Variants in SLC17A1 observed in about 807,000 individuals in gnomAD.
The protein encoded by SLC17A1 is solute carrier family 17 member 1.
SLC17A1 carries 51 observed loss-of-function variants against 53.5 expected under a neutral mutation model. The observed-to-expected ratio is 0.95, with a 90% CI of 0.76 to 1.20. The LOEUF (loss-of-function observed/expected upper bound fraction) is 1.20, where lower values mean the gene tolerates loss of function less well. Among genes scored for constraint, SLC17A1 ranks in the 50% most tolerant of loss-of-function variants. The probability of loss-of-function intolerance (pLI) is 0.00; values close to 1 mark genes in which losing one functional copy is unlikely to be tolerated. For missense variants in SLC17A1, 538 were observed against 568.2 expected (o/e 0.95, Z 0.54); for synonymous variants, 179 against 198.8 (o/e 0.90, Z 0.84).
At chr6:25,738,552 T>C in the SLC17A1 span, among the ~76,000 whole-genome samples, 1 of 151,630 alleles carries the variant, frequency 6.6e-6, no homozygotes, top group Non-Finnish European at 1.5e-5. Flanking sequence ...AAAAAAAAAG[T>C]AAAAGCTTTT....
chr6:25,741,676 A>G, the SLC17A1 span, among the ~76,000 whole-genome samples: 2 of 151,966 alleles, frequency 1.3e-5, no homozygotes, highest in Non-Finnish European at 2.9e-5. Context: ...AGATCACTCC[A>G]CTGCACTCCA....
At chr6:25,779,407 G>T, downstream of SLC17A1, 4 of 507,980 alleles carry the variant, frequency 7.9e-6, no homozygotes, top group Non-Finnish European at 1.3e-5. Context: ...AGATTTCTGT[G>T]TTCTCCACTC....
the SLC17A1 span, among the ~76,000 whole-genome samples, chr6:25,757,370 T>C: frequency 6.6e-6 from 1 of 152,064 alleles, no homozygotes; most frequent in Non-Finnish European, 1.5e-5. Flanking sequence ...TTCCTTTACA[T>C]CTGCTTGGTG....
chr6:25,813,831 C>T (rs1299402239), intron 6 of SLC17A1, among the ~76,000 whole-genome samples: 1 of 152,118 alleles, frequency 6.6e-6, no homozygotes, highest in East Asian at 1.9e-4. Flanking sequence ...TGAGAACATG[C>T]GGTATTTAGT....
chr6:25,773,966 C>T, the SLC17A1 span, among the ~76,000 whole-genome samples: 3 of 151,970 alleles, frequency 2.0e-5, no homozygotes, highest in Non-Finnish European at 2.9e-5. Flanking sequence ...TTTAAGGGCC[C>T]TGTGCAAAAA....
chr6:25,762,802 T>C, the SLC17A1 span, among the ~76,000 whole-genome samples: 1 of 152,234 alleles, frequency 6.6e-6, no homozygotes, highest in Non-Finnish European at 1.5e-5. Flanking sequence ...AGTCACCATT[T>C]GACCCAGAAT....
At chr6:25,819,026 A>G in intron 6 of SLC17A1, 42 bp downstream of exon 6, 1 of 1,358,182 alleles carries the variant, frequency 7.4e-7, no homozygotes, top group South Asian at 1.4e-5. Context: ...AAATTTTTTT[A>G]GATTCTGAAT....
intron 6 of SLC17A1, among the ~76,000 whole-genome samples, chr6:25,817,233 TAC>T (rs1764390113): frequency 6.6e-6 from 1 of 152,218 alleles, no homozygotes; most frequent in Non-Finnish European, 1.5e-5. Context: ...GCTGCTTAAA[TAC>T]AGTTATTGTC....
At chr6:25,803,184 G>T (rs1305107148) in intron 10 of SLC17A1, among the ~76,000 whole-genome samples, 5 of 151,940 alleles carry the variant, frequency 3.3e-5, no homozygotes, top group African/African-American at 1.2e-4. Flanking sequence ...TGATCCGCCT[G>T]CCTCAACCTC....
chr6:25,743,799 GATAA>G, the SLC17A1 span, among the ~76,000 whole-genome samples: 1 of 152,128 alleles, frequency 6.6e-6, no homozygotes, highest in Non-Finnish European at 1.5e-5. Flanking sequence ...TAATAAAATG[GATAA>G]ATAAATAAAC....
rs1561840476 is a variant in SLC17A1, at chr6:25,819,685, G to A, written c.438C>T (p.Ala146=). 4 of 1,613,818 alleles carry A rather than the reference G, an allele frequency of 2.5e-6. No individual in the cohort carries two copies. The highest frequency in any genetic ancestry group is 2.5e-6 in the Non-Finnish European group (3 of 1,179,792). Residue 146 remains alanine (A), a synonymous_variant, in exon 4 of 13, where the codon GCC becomes GCT. Coordinates refer to ENST00000244527, the MANE Select transcript of SLC17A1 (RefSeq NM_005074.5). ...AGTTTTAGCATTATTTTAATACCTG[G>A]GCTGCTCCCTGAACTGCTCGACATA... is the stretch of plus-strand genomic sequence containing the variant. ...VVVCRAVQGA[A]QGIVATAQFE...
chr6:25,753,987 G>A, the SLC17A1 span, among the ~76,000 whole-genome samples: 2 of 152,114 alleles, frequency 1.3e-5, no homozygotes, highest in Non-Finnish European at 2.9e-5. Context: ...CAACCAATGA[G>A]ACACGAGGAA....
chr6:25,822,601 G>T (rs1199001552), intron 3 of SLC17A1, among the ~76,000 whole-genome samples: 1 of 152,092 alleles, frequency 6.6e-6, no homozygotes, highest in Admixed American at 6.6e-5. Context: ...GCGGGCTGAT[G>T]CATGTGCTAG....
chr6:25,799,358 C>G (rs1374386708), intron 11 of SLC17A1, among the ~76,000 whole-genome samples: 3 of 151,934 alleles, frequency 2.0e-5, no homozygotes, highest in African/African-American at 7.2e-5. Context: ...TTATTACTCC[C>G]ATATTATTTC....
intron 10 of SLC17A1, among the ~76,000 whole-genome samples, chr6:25,806,458 A>G (rs1561831974): frequency 6.6e-6 from 1 of 152,076 alleles, no homozygotes; most frequent in South Asian, 2.1e-4. Context: ...TCCTCCTGAC[A>G]ACTGGAACAA....
the SLC17A1 span, among the ~76,000 whole-genome samples, chr6:25,775,070 C>A: frequency 6.6e-6 from 1 of 152,132 alleles, no homozygotes; most frequent in African/African-American, 2.4e-5. Context: ...TGGCTCATGC[C>A]TATAATCCCA....
At chr6:25,729,027 T>C in the SLC17A1 span, among the ~76,000 whole-genome samples, 1 of 152,224 alleles carries the variant, frequency 6.6e-6, no homozygotes, top group African/African-American at 2.4e-5. Context: ...GGATTCATGC[T>C]TCTCTAACAC....
chr6:25,787,947 G>A (rs1003778778), intron 12 of SLC17A1, among the ~76,000 whole-genome samples: 8 of 152,128 alleles, frequency 5.3e-5, no homozygotes, highest in African/African-American at 1.9e-4. Context: ...TTCTTGCTTG[G>A]TCACCCTGTA....
the SLC17A1 span, chr6:25,727,110 G>A: frequency 5.0e-5 from 81 of 1,614,060 alleles, no homozygotes; most frequent in Middle Eastern, 3.3e-4. Flanking sequence ...GAATTCCTTC[G>A]TCACTGATAT....
Sources: allele counts gnomAD v4.1 joint callset (sites outside exome capture counted in the v4.1 genomes callset), GRCh38; gene constraint gnomAD v4.1.1; transcripts MANE v1.5; gene names NCBI Gene and HGNC (gene_info 2026-07-23, HGNC 2026-07-21).